UBE2K: variants seen among roughly 807,000 people sequenced by gnomAD.
UBE2K encodes the protein ubiquitin-conjugating enzyme E2 K.
Under a neutral mutation model 30.0 loss-of-function variants are expected in UBE2K, and 6 were observed. The observed-to-expected ratio is 0.20, with a 90% CI of 0.11 to 0.39. UBE2K has a LOEUF of 0.39. UBE2K is among the 10% of genes least tolerant of loss of function. UBE2K has a pLI of 1.00. For missense variants in UBE2K, 61 were observed against 241.6 expected (o/e 0.25, Z 4.96); for synonymous variants, 86 against 83.7 (o/e 1.03, Z -0.15).
chr4:39,771,228 C>T, intron 4 of UBE2K: 1 of 1,612,194 alleles, frequency 6.2e-7, no homozygotes, highest in Admixed American at 1.7e-5. Context: ...GGGAGACCTG[C>T]AGCTCCGAGC....
chr4:39,757,209 A>G (rs1711549779), intron 4 of UBE2K, among the ~76,000 whole-genome samples: 1 of 151,718 alleles, frequency 6.6e-6, no homozygotes, highest in South Asian at 2.1e-4. Context: ...TATTTTTAGT[A>G]GAGATGAGGT....
chr4:39,758,761 A>G (rs1478691551), intron 4 of UBE2K, among the ~76,000 whole-genome samples: 1 of 152,210 alleles, frequency 6.6e-6, no homozygotes, highest in African/African-American at 2.4e-5. Context: ...TTAAGCCAAC[A>G]GTACTATTAC....
At position 39,780,841 on chromosome 4, in the gene UBE2K, C is replaced by T. The variant is rs1323190756; in HGVS notation, c.*2407C>T. 6.6e-6 allele frequency: 1 copy of T among 151,982 alleles called. No individual in the cohort carries two copies. The highest frequency in any genetic ancestry group is 1.9e-4 in the East Asian group (1 of 5,204). The allele number at this position is 151,982 out of a possible 1,614,324, so 9.4% of individuals were successfully genotyped here. Reference sequence around the variant, plus strand: ...TTTGGACAAAAAGACACTAAAAGGTCAGGCCTAGGGGAAAAGTACCCTGGT... The same window carrying T: ...TTTGGACAAAAAGACACTAAAAGGTTAGGCCTAGGGGAAAAGTACCCTGGT... On this transcript the variant is annotated 3_prime_UTR_variant, in exon 7 of 7. Transcript: ENST00000261427.
At chr4:39,772,845 G>C (rs958961585) in intron 4 of UBE2K, among the ~76,000 whole-genome samples, 4 of 151,594 alleles carry the variant, frequency 2.6e-5, no homozygotes, top group Non-Finnish European at 5.9e-5. Context: ...ATGCCACCAC[G>C]CCCAGCTAAT....
intron 1 of UBE2K, among the ~76,000 whole-genome samples, chr4:39,728,762 C>T (rs896405916): frequency 1.9e-4 from 29 of 151,734 alleles, no homozygotes; most frequent in African/African-American, 6.3e-4. Flanking sequence ...CCTCAGCCTC[C>T]GGAGTAGCTG....
intron 4 of UBE2K, among the ~76,000 whole-genome samples, chr4:39,768,448 A>C (rs1359068712): frequency 1.4e-5 from 1 of 71,390 alleles, no homozygotes; most frequent in Admixed American, 1.3e-4. Flanking sequence ...CTTCGTTTCC[A>C]AAAAAAAAAA....
chr4:39,705,935 C>T lies in UBE2K; in HGVS notation c.63+7545C>T, dbSNP rs572799264. 2.3e-3 allele frequency among the ~76,000 whole-genome samples: 345 copies of T among 148,528 alleles called. 2 individuals carry two copies. The highest frequency in any genetic ancestry group is 8.1e-3 in the African/African-American group (327 of 40,586). On this transcript the variant is annotated intron_variant, in intron 1 of 6. Transcript: ENST00000261427. ...CGCGATCTCAGCTCACTGCAACCTC[C>T]GCCTCCCAGGTTCAACCAATACCTC...
chr4:39,701,281 T>G (rs1251679592), intron 1 of UBE2K, among the ~76,000 whole-genome samples: 9 of 152,214 alleles, frequency 5.9e-5, no homozygotes, highest in Admixed American at 2.0e-4. Context: ...ATTAGTTATT[T>G]TATGAGTAGG....
chr4:39,764,434 T>C (rs1309868444), intron 4 of UBE2K, among the ~76,000 whole-genome samples: 1 of 151,790 alleles, frequency 6.6e-6, no homozygotes, highest in East Asian at 1.9e-4. Flanking sequence ...TTTTTTTTTT[T>C]CTTTTCTCTT....
In UBE2K at chr4:39,780,062, A is replaced by G. The variant is rs1713527399; in HGVS notation, c.*1628A>G. On this transcript the variant is annotated 3_prime_UTR_variant, in exon 7 of 7. Transcript: ENST00000261427. Reference sequence around the variant, plus strand: ...GTAAGGCTTTCCTAATTAACAGTAAACTCTTATAGCTGATATTATTACATA... The same window carrying G: ...GTAAGGCTTTCCTAATTAACAGTAAGCTCTTATAGCTGATATTATTACATA... 1 of 152,018 alleles carries G rather than the reference A, an allele frequency of 6.6e-6. No homozygotes were observed. The highest frequency in any genetic ancestry group is 2.4e-5 in the African/African-American group (1 of 41,416). 9.4% of individuals were successfully genotyped at this position (152,018 alleles called of 1,614,324 possible).
chr4:39,739,441 C>CTT (rs1720556261), intron 2 of UBE2K, among the ~76,000 whole-genome samples: 3 of 128,340 alleles, frequency 2.3e-5, no homozygotes, highest in African/African-American at 9.9e-5. Flanking sequence ...TCTGTTTATT[C>CTT]ATTTTTTTTT....
rs372505280 is a variant in UBE2K at position 39,775,322 on chromosome 4, T to A, written c.399+389T>A. ...CTCCTATCATGGGACTTATGTGACATGGCACAGTTTCCAATGACCTTGTAA... is the reference window on the plus strand; with the variant it reads ...CTCCTATCATGGGACTTATGTGACAAGGCACAGTTTCCAATGACCTTGTAA... On this transcript the variant is annotated intron_variant, in intron 5 of 6. Transcript: ENST00000261427. Among the ~76,000 whole-genome samples the A allele has an allele frequency of 4.6e-5, 7 of 152,348 alleles. No homozygotes were observed. The East Asian group carries it at 1.2e-3, about 25-fold the overall frequency.
intron 1 of UBE2K, among the ~76,000 whole-genome samples, chr4:39,720,869 G>C (rs533062387): frequency 6.6e-6 from 1 of 151,932 alleles, no homozygotes. Flanking sequence ...TCAGCCTTCC[G>C]AGTAGCTAGT....
rs151019624 is a variant in UBE2K, at chr4:39,705,285, C to T, written c.63+6895C>T. On this transcript the variant is annotated intron_variant, in intron 1 of 6. Coordinates refer to ENST00000261427, the MANE Select transcript of UBE2K (RefSeq NM_005339.5). ...CGATCTCAACTCACCACAGCCTCTG[C>T]CTCCCGGGTTCAAGCGACTCTCGTG... is the stretch of plus-strand genomic sequence containing the variant. Among the ~76,000 whole-genome samples the T allele has an allele frequency of 3.7e-3, 558 of 149,340 alleles. 13 individuals are homozygous for T. In the East Asian group the frequency reaches 0.038, roughly 10 times the overall value.
At chr4:39,705,053 TTTTTTG>T (rs1278708498) in intron 1 of UBE2K, among the ~76,000 whole-genome samples, 1 of 150,124 alleles carries the variant, frequency 6.7e-6, no homozygotes, top group Middle Eastern at 3.5e-3. Context: ...TTTTTTGTTT[TTTTTTG>T]TTTTTGTTTT....
intron 1 of UBE2K, among the ~76,000 whole-genome samples, chr4:39,717,913 G>A (rs192126855): frequency 1.2e-3 from 180 of 147,246 alleles, no homozygotes; most frequent in Middle Eastern, 3.4e-3. Context: ...GTTCCTCCCG[G>A]TGGGTTCGTG....
At chr4:39,725,899 T>A (rs1199255832) in intron 1 of UBE2K, among the ~76,000 whole-genome samples, 1 of 152,194 alleles carries the variant, frequency 6.6e-6, no homozygotes, top group African/African-American at 2.4e-5. Context: ...CACCTTGGCC[T>A]TCCAAAGTGT....
At chr4:39,771,276 G>A in intron 4 of UBE2K, 2 of 1,611,742 alleles carry the variant, frequency 1.2e-6, no homozygotes, top group Admixed American at 1.7e-5. Context: ...GGAACGGTGA[G>A]CAGGCGGCTA....
At chr4:39,736,291 T>C (rs1370948864) in intron 1 of UBE2K, among the ~76,000 whole-genome samples, 1 of 152,058 alleles carries the variant, frequency 6.6e-6, no homozygotes, top group Non-Finnish European at 1.5e-5. Context: ...CGAAACCCCG[T>C]CTTGACTAAA....
Sources: gnomAD v4.1 joint callset for allele counts (sites outside exome capture counted in the v4.1 genomes callset) on GRCh38, gnomAD v4.1.1 for gene constraint, MANE v1.5 for transcripts, NCBI Gene and HGNC (gene_info 2026-07-23, HGNC 2026-07-21) for gene names.